The following GRID2 variants were observed in gnomAD, a reference collection of about 807,000 sequenced individuals.
GRID2 encodes the protein glutamate receptor ionotropic, delta-2.
In GRID2, 33 loss-of-function variants were observed where a neutral mutation model predicts 114.8. The observed-to-expected ratio is 0.29, with a 90% CI of 0.22 to 0.38. The LOEUF (loss-of-function observed/expected upper bound fraction) is 0.38. Ranked by LOEUF, GRID2 falls within the 10% of genes least tolerant of loss-of-function variation. The pLI is 1.00. For missense variants in GRID2, 1,184 were observed against 1,257.7 expected, an observed-to-expected ratio of 0.94 and a Z score of 0.89; for synonymous variants, 505 against 449.9, an observed-to-expected ratio of 1.12 and a Z score of -1.55.
intron 2 of GRID2, among the ~76,000 whole-genome samples, chr4:93,056,339 T>C (rs1578864743): frequency 6.6e-6 from 1 of 151,884 alleles, no homozygotes; most frequent in East Asian, 1.9e-4. Context: ...AGAACCACAC[T>C]GATCATTCAC....
At chr4:93,732,660 C>T (rs1730587600) in intron 14 of GRID2, among the ~76,000 whole-genome samples, 1 of 151,848 alleles carries the variant, frequency 6.6e-6, no homozygotes, top group African/African-American at 2.4e-5. Context: ...ATGTTTTCTT[C>T]CCCCATCAAG....
At chr4:93,531,685 T>A (rs1292627914) in intron 13 of GRID2, among the ~76,000 whole-genome samples, 1 of 152,092 alleles carries the variant, frequency 6.6e-6, no homozygotes, top group Non-Finnish European at 1.5e-5. Context: ...AACATTGGTG[T>A]AAGCAATGTT....
At chr4:93,650,902 C>T (rs1037106343) in intron 14 of GRID2, among the ~76,000 whole-genome samples, 15 of 86,582 alleles carry the variant, frequency 1.7e-4, no homozygotes, top group African/African-American at 8.7e-4. Flanking sequence ...ATTTTATATA[C>T]ATACTGCAAA....
chr4:93,399,116 C>T (rs1036925594), intron 9 of GRID2, among the ~76,000 whole-genome samples: 8 of 151,948 alleles, frequency 5.3e-5, no homozygotes, highest in African/African-American at 1.9e-4. Flanking sequence ...GTCACCTAAA[C>T]GCAACCTCCC....
chr4:92,703,516 G>A (rs1393156092), intron 2 of GRID2, among the ~76,000 whole-genome samples: 1 of 151,806 alleles, frequency 6.6e-6, no homozygotes, highest in Non-Finnish European at 1.5e-5. Context: ...TTTGGAGACA[G>A]TGAACCTCTT....
chr4:93,567,161 G>A (rs1163475392), intron 13 of GRID2, among the ~76,000 whole-genome samples: 1 of 152,018 alleles, frequency 6.6e-6, no homozygotes, highest in Non-Finnish European at 1.5e-5. Context: ...AGCAATGATG[G>A]TTTATAAGAA....
chr4:92,627,680 T>C (rs555891203), intron 2 of GRID2, among the ~76,000 whole-genome samples: 2 of 152,332 alleles, frequency 1.3e-5, no homozygotes, highest in South Asian at 4.1e-4. Context: ...TCTTCTGATA[T>C]GTTTTCTACT....
intron 1 of GRID2, among the ~76,000 whole-genome samples, chr4:92,520,569 T>C (rs1724720109): frequency 6.6e-6 from 1 of 151,976 alleles, no homozygotes; most frequent in Non-Finnish European, 1.5e-5. Flanking sequence ...GAGGTTGCTC[T>C]AGTTTTCCAT....
chr4:92,350,665 C>G (rs1040914339), intron 1 of GRID2, among the ~76,000 whole-genome samples: 1 of 151,738 alleles, frequency 6.6e-6, no homozygotes, highest in African/African-American at 2.4e-5. Flanking sequence ...ATTTTCTTAA[C>G]AGCTTTATTG....
intron 2 of GRID2, among the ~76,000 whole-genome samples, chr4:92,862,847 C>A (rs1344654663): frequency 3.3e-5 from 5 of 151,962 alleles, no homozygotes; most frequent in Admixed American, 3.3e-4. Context: ...TCTTTTAAAT[C>A]CTGAAAGCTC....
At chr4:92,989,333 T>C (rs1754722172) in intron 2 of GRID2, among the ~76,000 whole-genome samples, 1 of 149,788 alleles carries the variant, frequency 6.7e-6, no homozygotes, top group Non-Finnish European at 1.5e-5. Flanking sequence ...CTATTTTATA[T>C]GTGTGTGCAT....
chr4:93,205,475 A>G (rs991551078), intron 4 of GRID2, among the ~76,000 whole-genome samples: 4 of 152,246 alleles, frequency 2.6e-5, no homozygotes, highest in South Asian at 2.1e-4. Flanking sequence ...TGTCCCTACA[A>G]AGGACATGAA....
intron 1 of GRID2, among the ~76,000 whole-genome samples, chr4:92,498,541 A>G (rs1450259194): frequency 3.3e-5 from 5 of 152,018 alleles, no homozygotes; most frequent in African/African-American, 4.8e-5. Flanking sequence ...TTGCTTTTAA[A>G]AATAATTCCT....
chr4:92,804,226 A>G lies in GRID2; in HGVS notation c.244+213940A>G, dbSNP rs568007681. On this transcript the variant is annotated intron_variant, in intron 2 of 15. Transcript: ENST00000282020. ...GGTCATATCATTTTTTAGTAGACAA[A>G]TAATCTTACTATGTTATTAAAGTAA... Among the ~76,000 whole-genome samples, 10 of 152,166 alleles carry G rather than the reference A, an allele frequency of 6.6e-5. No homozygotes were observed. The East Asian group carries it at 1.4e-3, about 21-fold the overall frequency.
intron 2 of GRID2, among the ~76,000 whole-genome samples, chr4:92,627,411 T>G (rs62307949): frequency 0.056 from 8,455 of 152,150 alleles, 301 homozygotes; most frequent in East Asian, 0.16. Context: ...AAAATGTAGG[T>G]GTATATGTTA....
intron 14 of GRID2, among the ~76,000 whole-genome samples, chr4:93,692,954 T>C (rs1726697082): frequency 1.3e-5 from 2 of 152,208 alleles, no homozygotes; most frequent in African/African-American, 4.8e-5. Context: ...TATCATTATT[T>C]AGTGCAATAT....
chr4:93,557,547 CAT>C (rs899451911), intron 13 of GRID2, among the ~76,000 whole-genome samples: 6 of 152,176 alleles, frequency 3.9e-5, no homozygotes, highest in African/African-American at 1.4e-4. Flanking sequence ...AACTATCCTA[CAT>C]ATATATGCAC....
chr4:92,617,620 C>T (rs1730064833), intron 2 of GRID2, among the ~76,000 whole-genome samples: 1 of 151,392 alleles, frequency 6.6e-6, no homozygotes, highest in Non-Finnish European at 1.5e-5. Flanking sequence ...TGCTAGATTC[C>T]TTGGTTTGTT....
intron 4 of GRID2, among the ~76,000 whole-genome samples, chr4:93,155,012 T>A (rs1737052388): frequency 1.3e-5 from 2 of 151,946 alleles, no homozygotes; most frequent in African/African-American, 4.8e-5. Flanking sequence ...CCTGGGTTCC[T>A]ACAATTTAAT....
Sources: gnomAD v4.1 joint callset for allele counts (sites outside exome capture counted in the v4.1 genomes callset) on GRCh38, gnomAD v4.1.1 for gene constraint, MANE v1.5 for transcripts, NCBI Gene and HGNC (gene_info 2026-07-23, HGNC 2026-07-21) for gene names.